HEATR5A: variants seen among roughly 807,000 people sequenced by gnomAD.
The protein encoded by HEATR5A is HEAT repeat-containing protein 5A.
A neutral mutation model predicts 218.8 loss-of-function variants in HEATR5A; 178 were observed. That is an observed-to-expected ratio of 0.81 (90% CI 0.72 to 0.92). The LOEUF (loss-of-function observed/expected upper bound fraction) is 0.92, where lower values mean the gene tolerates loss of function less well. Ranked by LOEUF, HEATR5A falls within the 40% of genes least tolerant of loss-of-function variation. The pLI is 0.00. For synonymous variants in HEATR5A, 864 were observed against 871.6 expected, an observed-to-expected ratio of 0.99 and a Z score of 0.15; for missense variants, 2,420 against 2,418.9, an observed-to-expected ratio of 1.00 and a Z score of -0.01.
chr14:31,416,365 G>A (rs1410388812), intron 1 of HEATR5A, among the ~76,000 whole-genome samples: 2 of 151,996 alleles, frequency 1.3e-5, no homozygotes, highest in African/African-American at 2.4e-5. Flanking sequence ...CAAGTGATCT[G>A]CCCGCCTTGG....
chr14:31,343,250 G>A (rs935216478), intron 21 of HEATR5A, among the ~76,000 whole-genome samples: 1 of 152,002 alleles, frequency 6.6e-6, no homozygotes, highest in Admixed American at 6.6e-5. Context: ...CCACCACCAC[G>A]CCCAGCTAAT....
At chr14:31,383,485 C>G (rs1180211805) in intron 10 of HEATR5A, 36 bp downstream of exon 10, 1 of 1,556,578 alleles carries the variant, frequency 6.4e-7, no homozygotes, top group Non-Finnish European at 8.7e-7. Context: ...TAACAAAAAG[C>G]ACCTCATTAT....
intron 25 of HEATR5A, 140 bp downstream of exon 25, chr14:31,321,359 T>C (rs4981092): frequency 0.4 from 221,801 of 554,298 alleles, 47,318 homozygotes; most frequent in South Asian, 0.44. Context: ...CTGCCCGGTC[T>C]TGAACTCCTG....
rs1421522665 is a variant in HEATR5A at position 31,349,801 on chromosome 14, A to T, written c.2696T>A (p.Val899Asp). ...GAAATTCACTTACTTGTCAAAGCTA[A>T]CTTGAGCTAATCCAGCAGTAAAAGC... ...DGAFTAGLAQ[V>D]SFDKLKSARD... The change falls in exon 18 of 36, where the codon GTT (valine) becomes GAT (aspartate). Residue 899 changes from valine to aspartate, a missense_variant. By Grantham distance (152) the Val-to-Asp change is radical. Coordinates refer to ENST00000543095, the MANE Select transcript of HEATR5A (RefSeq NM_015473.4). 1 of 1,611,132 alleles carries T rather than the reference A, an allele frequency of 6.2e-7. No individual in the cohort carries two copies. The highest frequency in any genetic ancestry group is 8.5e-7 in the Non-Finnish European group (1 of 1,177,716).
chr14:31,299,135 C>A (rs1471098496), intron 33 of HEATR5A, among the ~76,000 whole-genome samples: 1 of 152,198 alleles, frequency 6.6e-6, no homozygotes, highest in African/African-American at 2.4e-5. Flanking sequence ...CTCCCAAATA[C>A]ACACATAGTC....
At chr14:31,417,501 C>A (rs2031491989) in intron 1 of HEATR5A, among the ~76,000 whole-genome samples, 1 of 152,136 alleles carries the variant, frequency 6.6e-6, no homozygotes, top group African/African-American at 2.4e-5. Context: ...AGGAGAATGG[C>A]GTGAACCCGG....
intron 21 of HEATR5A, among the ~76,000 whole-genome samples, chr14:31,339,069 G>A (rs960590607): frequency 4.0e-5 from 6 of 151,586 alleles, no homozygotes; most frequent in Non-Finnish European, 2.9e-5. Flanking sequence ...GCAGTGAGCC[G>A]AGATCACGCC....
At chr14:31,293,674 A>G (rs1287643834) in intron 35 of HEATR5A, 62 bp from the exon 36 acceptor site, 1 of 1,418,078 alleles carries the variant, frequency 7.1e-7, no homozygotes, top group African/African-American at 1.4e-5. Context: ...AAGCCTGCAA[A>G]TGCACTTGAT....
intron 3 of HEATR5A, among the ~76,000 whole-genome samples, chr14:31,400,081 TC>T (rs2030814696): frequency 6.6e-6 from 1 of 152,212 alleles, no homozygotes; most frequent in African/African-American, 2.4e-5. Context: ...ATGTTTTGAA[TC>T]TCAAATCTAG....
chr14:31,410,945 T>C (rs999019684), intron 1 of HEATR5A, among the ~76,000 whole-genome samples: 1 of 152,186 alleles, frequency 6.6e-6, no homozygotes, highest in Non-Finnish European at 1.5e-5. Context: ...TTGGCTATCA[T>C]TAGTTAAAAA....
intron 25 of HEATR5A, chr14:31,320,454 G>A (rs1275313714): frequency 5.1e-6 from 7 of 1,360,538 alleles, no homozygotes; most frequent in Admixed American, 3.4e-5. Context: ...TCAGTGTCCC[G>A]GGAGACAACA....
In HEATR5A at chr14:31,388,996, C is replaced by T. The variant is rs766082797; in HGVS notation, c.782G>A (p.Arg261His). The change falls in exon 7 of 36, where the codon CGT becomes CAT. Residue 261 changes from arginine (R) to histidine (H), a missense_variant. Transcript: ENST00000543095. ...CAAAGATACTCTGCGAATGCTTTGA[C>T]GTGAGGCTGCTATGACAAAGAACAA... ...ISKHPGTAAS[R>H]QSIRRVSLEE... The T allele has an allele frequency of 1.6e-5, 25 of 1,609,860 alleles. No homozygotes were observed. Among genetic ancestry groups the T allele is most frequent in the East Asian group, 4.5e-5 (2 of 44,822 alleles).
intron 4 of HEATR5A, 42 bp from the exon 5 acceptor site, chr14:31,395,390 C>A (rs2030616224): frequency 1.7e-6 from 2 of 1,142,876 alleles, no homozygotes; most frequent in African/African-American, 1.5e-5. Flanking sequence ...AATAATTAAA[C>A]TGCAAAGAAC....
chr14:31,309,283 C>A, intron 28 of HEATR5A, 101 bp from the exon 29 acceptor site: 1 of 1,298,114 alleles, frequency 7.7e-7, no homozygotes, highest in Non-Finnish European at 1.1e-6. Context: ...TCCGAAAGTT[C>A]CCTTGTACCC....
At chr14:31,368,564 A>G (rs7160175) in intron 13 of HEATR5A, among the ~76,000 whole-genome samples, 130,214 of 152,020 alleles carry the variant, frequency 0.86, 56,489 homozygotes, top group Non-Finnish European at 0.94. Flanking sequence ...CTGGGGTCTC[A>G]CTCTGTCATC....
rs2139304846 is a variant in HEATR5A, at chr14:31,400,636, GA to G, written c.127-125del. 4.6e-6 allele frequency: 3 copies of G among 649,560 alleles called. No homozygotes were observed. The East Asian group carries it at 8.4e-5, about 18-fold the overall frequency. 40.2% of individuals were successfully genotyped at this position (649,560 alleles called of 1,614,324 possible). A position where few individuals can be genotyped will look rare whatever the true frequency, so the allele number is the denominator to read the frequency against. On this transcript the variant is annotated intron_variant, in intron 2 of 35. Coordinates refer to ENST00000543095, the MANE Select transcript of HEATR5A (RefSeq NM_015473.4). ...CTCTAGAAAAATACAAACTTACTTT[GA>G]CTGGAAGTTACAAATAAGTTGGTAG...
chr14:31,346,699 A>C (rs1255364374), intron 19 of HEATR5A, among the ~76,000 whole-genome samples: 2 of 152,214 alleles, frequency 1.3e-5, no homozygotes, highest in African/African-American at 4.8e-5. Context: ...TTTCTGCAGG[A>C]AAGTGGCAAG....
At position 31,400,891 on chromosome 14, in the gene HEATR5A, G is replaced by A. The variant is rs558660283; in HGVS notation, c.127-379C>T. ...GTCTCGCTCTGTCGCCCAGGCTGGAGTGCAGTGGCCCGATCTCCGGTCACT... is the reference window on the plus strand; with the variant it reads ...GTCTCGCTCTGTCGCCCAGGCTGGAATGCAGTGGCCCGATCTCCGGTCACT... On this transcript the variant is annotated intron_variant, in intron 2 of 35. Transcript: ENST00000543095. 9.5e-4 allele frequency among the ~76,000 whole-genome samples: 143 copies of A among 150,898 alleles called. 1 individual carries two copies. Among genetic ancestry groups the A allele is most frequent in the African/African-American group, 3.4e-3 (139 of 41,012 alleles).
In HEATR5A at chr14:31,343,866, C is replaced by T. The variant is rs923674952; in HGVS notation, c.3228+30G>A. 10 of 1,501,344 alleles carry T rather than the reference C, an allele frequency of 6.7e-6. No homozygotes were observed. The East Asian group carries it at 2.3e-4, about 35-fold the overall frequency. The allele number at this position is 1,501,344 out of a possible 1,614,324, so 93.0% of individuals were successfully genotyped here. A position where few individuals can be genotyped will look rare whatever the true frequency, so the allele number is the denominator to read the frequency against. On this transcript the variant is annotated intron_variant, in intron 21 of 35. Coordinates refer to ENST00000543095, the MANE Select transcript of HEATR5A (RefSeq NM_015473.4). ...AAATCTAAGATTCAAATAAAAGAAA[C>T]TAAGAGCTCGTTTACAATTCTATAC...
Sources: gnomAD v4.1 joint callset for allele counts (sites outside exome capture counted in the v4.1 genomes callset) on GRCh38, gnomAD v4.1.1 for gene constraint, MANE v1.5 for transcripts, NCBI Gene and HGNC (gene_info 2026-07-23, HGNC 2026-07-21) for gene names.